Variants in UBA7 observed in about 807,000 individuals in gnomAD.
The protein encoded by UBA7 is ubiquitin-like modifier-activating enzyme 7.
UBA7 carries 88 observed loss-of-function variants against 113.0 expected under a neutral mutation model. The observed-to-expected ratio is 0.78, with a 90% confidence interval of 0.66 to 0.93. The LOEUF is 0.93. Among genes scored for constraint, UBA7 ranks in the 40% least tolerant of loss-of-function variants. The pLI is 0.00. For synonymous variants in UBA7, 459 were observed against 513.0 expected (o/e 0.89, Z 1.42); for missense variants, 1,092 against 1,266.4 (o/e 0.86, Z 2.09).
In UBA7 at chr3:49,807,922, C is replaced by T. The variant is rs755192095; in HGVS notation, c.2529G>A (p.Lys843=). 2 of 1,612,276 alleles carry T rather than the reference C, an allele frequency of 1.2e-6. No individual in the cohort carries two copies. The highest frequency in any genetic ancestry group is 1.7e-5 in the Admixed American group (1 of 59,948). ...GIPPVNRAQS[K]RIVGQIIPAI... ...CTGGGATAATCTGGCCCACAATTCG[C>T]TTGCTCTGCCAAGGACAAGAGATTT... Residue 843 remains lysine, a synonymous_variant, in exon 21 of 24, where the codon AAG becomes AAA. Transcript: ENST00000333486. The surrounding 1 kb of genome is among the most constrained non-coding windows in gnomAD (Gnocchi z 4.0).
Position 49,811,417 on chromosome 3 carries a change from C to G in UBA7, c.978G>C (p.Leu326=). The change falls in exon 9 of 24, where the codon CTG becomes CTC. Residue 326 remains leucine, a synonymous_variant. Transcript: ENST00000333486. ...AETVVGLARD[L]EPLKRTEEEP... is the part of the protein sequence containing the mutation. ...CTTCCTCTGTCCGCTTCAGTGGTTC[C>G]AGGTCCCGGGCCAGGCCCACCACAG... is the stretch of plus-strand genomic sequence containing the variant. The G allele has an allele frequency of 1.2e-6, 2 of 1,602,784 alleles. No individual in the cohort carries two copies. The highest frequency in any genetic ancestry group is 1.7e-6 in the Non-Finnish European group (2 of 1,175,058).
In UBA7 at chr3:49,811,455, C is replaced by T. The variant is rs1034371518; in HGVS notation, c.940G>A (p.Val314Ile). The change falls in exon 9 of 24, where the codon GTT (valine) becomes ATT (isoleucine). Residue 314 changes from valine (V) to isoleucine (I), a missense_variant and splice_region_variant. Val to Ile is a conservative substitution (Grantham distance 29). Around this residue, in one of 3 missense-constraint regions of UBA7, gnomAD observed 584 missense variants for 714.5 expected, o/e 0.82. Transcript: ENST00000333486. ...HGRPPQPWDPVDAETVVGLAR... is the reference protein window; with the variant it reads ...HGRPPQPWDPIDAETVVGLAR... ...AGGCCCACCACAGTCTCTGCATCAACCTGTTGGTAGGACTCTGTGGGCATA... is the reference window on the plus strand; with the variant it reads ...AGGCCCACCACAGTCTCTGCATCAATCTGTTGGTAGGACTCTGTGGGCATA... The T allele has an allele frequency of 7.2e-5, 113 of 1,568,704 alleles. No homozygotes were observed. Among genetic ancestry groups the T allele is most frequent in the Non-Finnish European group, 9.5e-5 (110 of 1,156,980 alleles).
rs779785734 is a variant in UBA7 at position 49,813,789 on chromosome 3, C to T, written c.-2G>A. ...CTTCGAAGCGTCCAGGGCATCCATC[C>T]TCAAACCTGGGGCTGAACAGTAGGC... On this transcript the variant is annotated 5_prime_UTR_variant, in exon 1 of 24. Coordinates refer to ENST00000333486, the MANE Select transcript of UBA7 (RefSeq NM_003335.3). 4 of 1,614,180 alleles carry T rather than the reference C, an allele frequency of 2.5e-6. No individual in the cohort carries two copies. The Admixed American group carries it at 6.7e-5, about 27-fold the overall frequency.
chr3:49,807,782 T>A lies in UBA7; in HGVS notation c.2669A>T (p.Glu890Val), dbSNP rs1342490735. Residue 890 changes from glutamate to valine, a missense_variant, in exon 21 of 24, where the codon GAA (glutamate) becomes GTA (valine). Physicochemically the swap from Glu to Val is moderately radical, Grantham distance 121 (BLOSUM62 -2). Around this residue, in one of 3 missense-constraint regions of UBA7, gnomAD observed 500 missense variants for 529.3 expected, o/e 0.94. Transcript: ENST00000333486. The surrounding 1 kb of genome is among the most constrained non-coding windows in gnomAD (Gnocchi z 4.0). ...AFRHSYLHLA[E>V]NYLIRYMPFA... ...AGGCATATAGCGGATGAGGTAGTTT[T>A]CAGCCAGATGTAGGTAGCTGTGGCG... The A allele has an allele frequency of 6.2e-7, 1 of 1,613,766 alleles. No individual in the cohort carries two copies. Among genetic ancestry groups the A allele is most frequent in the Non-Finnish European group, 8.5e-7 (1 of 1,179,902 alleles).
In UBA7 at chr3:49,807,860, AACAGGCCTGCC is replaced by A. The variant is rs776084376; in HGVS notation, c.2580_2590del (p.Ala861GlyfsTer6). ...CACCACCTTATACAGCTCCAGGCCC[AACAGGCCTGCC>A]ACAGCTGCTGTAGTGGTGGCAATGG... On this transcript the variant is annotated frameshift_variant, in exon 21 of 24. Coordinates refer to ENST00000333486, the MANE Select transcript of UBA7 (RefSeq NM_003335.3). LOFTEE classifies it high-confidence loss of function. The surrounding 1 kb of genome is among the most constrained non-coding windows in gnomAD (Gnocchi z 4.0). 1 of 1,613,910 alleles carries A rather than the reference AACAGGCCTGCC, an allele frequency of 6.2e-7. No individual in the cohort carries two copies. The highest frequency in any genetic ancestry group is 2.2e-5 in the East Asian group (1 of 44,874).
At position 49,812,435 on chromosome 3, in the gene UBA7, A is replaced by G. The variant is rs1271960714; in HGVS notation, c.667T>C (p.Cys223Arg). The change falls in exon 6 of 24, where the codon TGT (cysteine) becomes CGT (arginine). Residue 223 changes from cysteine to arginine, a missense_variant. Around this residue, in one of 3 missense-constraint regions of UBA7, gnomAD observed 584 missense variants for 714.5 expected, o/e 0.82. Coordinates refer to ENST00000333486, the MANE Select transcript of UBA7 (RefSeq NM_003335.3). Reference protein sequence around the residue: ...GIEGMVELNDCDPRSIHVRED... With the variant: ...GIEGMVELNDRDPRSIHVRED... ...CGCACGTGGATAGACCGGGGATCAC[A>G]GTCGTTGAGCTCAACCATTCCCTCA... The G allele has an allele frequency of 1.2e-6, 2 of 1,614,136 alleles. No homozygotes were observed. The highest frequency in any genetic ancestry group is 1.3e-5 in the African/African-American group (1 of 74,940).
chr3:49,811,787 T>C (rs2081551608), intron 8 of UBA7, 83 bp downstream of exon 8: 1 of 1,580,526 alleles, frequency 6.3e-7, no homozygotes, highest in South Asian at 1.2e-5. Context: ...AGACTTGGAT[T>C]TGTGAATGGT....
Position 49,808,450 on chromosome 3 carries a change from T to C in UBA7, c.2366A>G (p.Glu789Gly), listed in dbSNP as rs775860371. Reference protein sequence around the residue: ...SAEFGPEQQKELNKALEVWSV... With the variant: ...SAEFGPEQQKGLNKALEVWSV... ...CCAGACTTCCAGGGCTTTGTTCAGTTCCTTCTGCTGCTCAGGGCCTGTCAG... is the reference window on the plus strand; with the variant it reads ...CCAGACTTCCAGGGCTTTGTTCAGTCCCTTCTGCTGCTCAGGGCCTGTCAG... Residue 789 changes from glutamate (E) to glycine (G), a missense_variant, in exon 19 of 24, where the codon GAA becomes GGA. Glu to Gly is a moderately conservative substitution (Grantham distance 98, BLOSUM62 -2). This residue lies in a region of UBA7 where 500 missense variants were observed against 529.3 expected (regional missense o/e 0.94). Coordinates refer to ENST00000333486, the MANE Select transcript of UBA7 (RefSeq NM_003335.3). The C allele has an allele frequency of 2.5e-6, 4 of 1,614,000 alleles. No individual in the cohort carries two copies. The highest frequency in any genetic ancestry group is 3.3e-5 in the Admixed American group (2 of 59,996).
chr3:49,809,138 G>T lies in UBA7; in HGVS notation c.2185C>A (p.Leu729Met), dbSNP rs755409750. Reference protein sequence around the residue: ...TNQDTHLLYVLAAANLYAQMH... With the variant: ...TNQDTHLLYVMAAANLYAQMH... ...TGGGCATACAGGTTGGCAGCTGCCA[G>T]TACGTAGAGGAGGTGTGTGTCCTGC... Residue 729 changes from leucine (L) to methionine (M), a missense_variant, in exon 18 of 24, where the codon CTG becomes ATG. Leu to Met is a conservative substitution (Grantham distance 15, BLOSUM62 2). Transcript: ENST00000333486. The T allele has an allele frequency of 1.2e-6, 2 of 1,612,574 alleles. No homozygotes were observed. Among genetic ancestry groups the T allele is most frequent in the Admixed American group, 3.4e-5 (2 of 59,678 alleles).
rs754798917 is a variant in UBA7 at position 49,809,033 on chromosome 3, G to T, written c.2290C>A (p.Gln764Lys). ...TTACTAGCAAAGATGGGGGCCATCT[G>T]TTGGGGGTCAGGCTGTGGCAGCAGC... ...LKLLPQPDPQ[Q>K]MAPIFASNLE... is the part of the protein sequence containing the mutation. The change falls in exon 18 of 24, where the codon CAG becomes AAG. Residue 764 changes from glutamine to lysine, a missense_variant. Around this residue, in one of 3 missense-constraint regions of UBA7, gnomAD observed 500 missense variants for 529.3 expected, o/e 0.94. Transcript: ENST00000333486. The T allele has an allele frequency of 5.6e-6, 9 of 1,613,968 alleles. No individual in the cohort carries two copies. The South Asian group carries it at 9.9e-5, about 18-fold the overall frequency.
At chr3:49,809,782 T>C in intron 15 of UBA7, 33 bp downstream of exon 15, 1 of 1,614,102 alleles carries the variant, frequency 6.2e-7, no homozygotes. Flanking sequence ...CTTGGAGCCC[T>C]GGACTCCCAT....
chr3:49,808,026 A>T lies in UBA7; in HGVS notation c.2517T>A (p.Arg839=), dbSNP rs1275590688. The T allele has an allele frequency of 6.2e-7, 1 of 1,614,148 alleles. No homozygotes were observed. The highest frequency in any genetic ancestry group is 1.1e-5 in the South Asian group (1 of 91,080). ...CCTCAAGGGGTGGGGTTACCTGGGC[A>T]CGGTTGACCGGTGGAATCCCGTAGT... ...CQNYGIPPVN[R]AQSKRIVGQI... Residue 839 remains arginine (R), a synonymous_variant, in exon 20 of 24, where the codon CGT becomes CGA. Coordinates refer to ENST00000333486, the MANE Select transcript of UBA7 (RefSeq NM_003335.3).
chr3:49,805,528 C>T (rs962899146), intron 23 of UBA7, 91 bp from the exon 24 acceptor site: 17 of 1,220,592 alleles, frequency 1.4e-5, no homozygotes, highest in African/African-American at 3.0e-5. Flanking sequence ...GCTGGCAGGC[C>T]GTCAGGAGCC....
At chr3:49,813,408 G>C (rs766100126) in intron 2 of UBA7, 25 bp from the exon 3 acceptor site, 2 of 1,610,752 alleles carry the variant, frequency 1.2e-6, no homozygotes, top group East Asian at 2.2e-5. Context: ...AGTGCAGCCT[G>C]AGCAAAGACA....
rs769670632 is a variant in UBA7 at position 49,809,593 on chromosome 3, G to A, written c.2037C>T (p.Leu679=). ...GCTGTTTGATGCCATAATGAAAGCA[G>A]AGTTTCCAGTGGCCAAGAGCCCACG... ...CVAWALGHWK[L]CFHYGIKQLL... Residue 679 remains leucine, a synonymous_variant, in exon 16 of 24, where the codon CTC becomes CTT. Coordinates refer to ENST00000333486, the MANE Select transcript of UBA7 (RefSeq NM_003335.3). 6.2e-7 allele frequency: 1 copy of A among 1,614,140 alleles called. No homozygotes were observed. Among genetic ancestry groups the A allele is most frequent in the East Asian group, 2.2e-5 (1 of 44,892 alleles).
rs2081432887 is a variant in UBA7 at position 49,805,449 on chromosome 3, G to A, written c.2910-12C>T. 2 of 1,505,722 alleles carry A rather than the reference G, an allele frequency of 1.3e-6. No individual in the cohort carries two copies. 93.3% of individuals were successfully genotyped at this position (1,505,722 alleles called of 1,614,324 possible). A position where few individuals can be genotyped will look rare whatever the true frequency, so the allele number is the denominator to read the frequency against. On this transcript the variant is annotated splice_polypyrimidine_tract_variant and intron_variant, in intron 23 of 23. Transcript: ENST00000333486. ...CCAGTTCTGTCACCCTGGTAGGGGT[G>A]GGTTTAGGGGAGATTGGAGAGGTGA...
At position 49,808,959 on chromosome 3, in the gene UBA7, A is replaced by G. The variant is rs2108299964; in HGVS notation, c.2347+17T>C. ...CCTTTGAAAGACAGCATGAGGGGCC[A>G]GGGCCAGGAGCCTCACCAAACTCAG... On this transcript the variant is annotated intron_variant, in intron 18 of 23. Transcript: ENST00000333486. 1 of 1,610,916 alleles carries G rather than the reference A, an allele frequency of 6.2e-7. No individual in the cohort carries two copies. Among genetic ancestry groups the G allele is most frequent in the South Asian group, 1.1e-5 (1 of 90,706 alleles).
chr3:49,808,948 C>T (rs1489981035), intron 18 of UBA7, 28 bp downstream of exon 18: 8 of 1,606,694 alleles, frequency 5.0e-6, no homozygotes, highest in Non-Finnish European at 6.8e-6. Flanking sequence ...TGAAAGACAG[C>T]ATGAGGGGCC....
chr3:49,811,159 C>T (rs527866765), intron 9 of UBA7, 68 bp from the exon 10 acceptor site: 14 of 1,603,628 alleles, frequency 8.7e-6, no homozygotes, highest in Non-Finnish European at 1.1e-5. Context: ...TGGCTGGAGG[C>T]TTCACCCAGG....
Sources: gnomAD v4.1 joint callset for allele counts on GRCh38, gnomAD v4.1.1 for gene constraint, gnomAD v4.1.1 regional missense constraint, Gnocchi (gnomAD v3.1) non-coding constraint, MANE v1.5 for transcripts, NCBI Gene and HGNC (gene_info 2026-07-23, HGNC 2026-07-21) for gene names.